LRRC25: variants seen among roughly 807,000 people sequenced by gnomAD.
LRRC25 encodes leucine rich repeat containing 25.
Under a neutral mutation model 18.8 loss-of-function variants are expected in LRRC25, and 5 were observed. The ratio of observed to expected loss-of-function variants is 0.27; its 90% confidence interval spans 0.14 to 0.56. The LOEUF (loss-of-function observed/expected upper bound fraction) is 0.56. Ranked by LOEUF, LRRC25 falls within the 20% of genes least tolerant of loss-of-function variation. The pLI, the probability that LRRC25 is intolerant of heterozygous loss-of-function variation, is 0.93. For synonymous variants in LRRC25, 161 were observed against 176.8 expected (o/e 0.91, Z 0.71); for missense variants, 341 against 389.8 (o/e 0.87, Z 1.05).
chr19:18,392,565 C>T (rs753538943), intron 1 of LRRC25, among the ~76,000 whole-genome samples: 3 of 152,008 alleles, frequency 2.0e-5, no homozygotes, highest in Non-Finnish European at 4.4e-5. Context: ...GAAACTGGCA[C>T]GGGCTAGCGT....
intron 1 of LRRC25, among the ~76,000 whole-genome samples, chr19:18,394,133 G>A (rs1971936625): frequency 6.6e-6 from 1 of 151,794 alleles, no homozygotes; most frequent in African/African-American, 2.4e-5. Flanking sequence ...GGCCCTCCCT[G>A]TTCCCCTCAG....
intron 1 of LRRC25, among the ~76,000 whole-genome samples, chr19:18,393,178 TA>T (rs978441344): frequency 2.6e-5 from 4 of 152,200 alleles, no homozygotes; most frequent in African/African-American, 7.2e-5. Flanking sequence ...CCCTCATATA[TA>T]AAAGCAAGTC....
In LRRC25 at chr19:18,396,525, G is replaced by C; in HGVS notation, c.439C>G (p.His147Asp). ...LLCWDTTSSQ[H>D]NLSAFLEVSC... Reference sequence around the variant, plus strand: ...ACCTCCAGGAAGGCAGAGAGGTTGTGCTGGGAGCTGGTTGTGTCCCAGCAG... The same window carrying C: ...ACCTCCAGGAAGGCAGAGAGGTTGTCCTGGGAGCTGGTTGTGTCCCAGCAG... The change falls in exon 1 of 2, where the codon CAC becomes GAC. Residue 147 changes from histidine (H) to aspartate (D), a missense_variant. His to Asp is a moderately conservative substitution (Grantham distance 81). Coordinates refer to ENST00000339007, the MANE Select transcript of LRRC25 (RefSeq NM_145256.3). 1.2e-6 allele frequency: 2 copies of C among 1,613,720 alleles called. No homozygotes were observed. The highest frequency in any genetic ancestry group is 1.7e-6 in the Non-Finnish European group (2 of 1,180,034).
At chr19:18,394,314 T>TC (rs1369724957) in intron 1 of LRRC25, among the ~76,000 whole-genome samples, 6 of 150,384 alleles carry the variant, frequency 4.0e-5, no homozygotes, top group Admixed American at 6.6e-5. Flanking sequence ...CTTTCTTTTT[T>TC]TTTTTTTTTG....
In LRRC25 at chr19:18,391,708, T is replaced by A; in HGVS notation, c.*279A>T. The A allele has an allele frequency of 2.9e-6, 1 of 342,270 alleles. No homozygotes were observed. 21.2% of individuals were successfully genotyped at this position (342,270 alleles called of 1,614,324 possible). On this transcript the variant is annotated 3_prime_UTR_variant, in exon 2 of 2. Coordinates refer to ENST00000339007, the MANE Select transcript of LRRC25 (RefSeq NM_145256.3). ...CAGCCTCGAAGCATTTATTGAGCAC[T>A]GCCTGTACATCCACAGGAGGGTGAT...
In LRRC25 at chr19:18,391,813, G is replaced by T; in HGVS notation, c.*174C>A. The T allele has an allele frequency of 1.5e-6, 1 of 673,122 alleles. No homozygotes were observed. The highest frequency in any genetic ancestry group is 2.5e-6 in the Non-Finnish European group (1 of 407,614). 41.7% of individuals were successfully genotyped at this position (673,122 alleles called of 1,614,324 possible). ...CCCCTCTAGGAGCTGAGGGAGCTGA[G>T]GAGCGGCATGAGGGACAGGGAGGGG... is the stretch of plus-strand genomic sequence containing the variant. On this transcript the variant is annotated 3_prime_UTR_variant, in exon 2 of 2. Coordinates refer to ENST00000339007, the MANE Select transcript of LRRC25 (RefSeq NM_145256.3).
intron 1 of LRRC25, among the ~76,000 whole-genome samples, chr19:18,394,849 A>G (rs1453979383): frequency 6.6e-6 from 1 of 152,008 alleles, no homozygotes; most frequent in Non-Finnish European, 1.5e-5. Context: ...AGGCTAAGAC[A>G]TGAGGATCAC....
At position 18,392,024 on chromosome 19, in the gene LRRC25, G is replaced by A. The variant is rs770990736; in HGVS notation, c.881C>T (p.Pro294Leu). Residue 294 changes from proline (P) to leucine (L), a missense_variant, in exon 2 of 2, where the codon CCA becomes CTA. Coordinates refer to ENST00000339007, the MANE Select transcript of LRRC25 (RefSeq NM_145256.3). ...YCNLQSLGQA[P>L]MDEEEYVIPG... ...GATCACGTACTCCTCTTCATCCATT[G>A]GGGCCTGGCCCAGTGACTGCAGGTT... The A allele has an allele frequency of 8.7e-6, 14 of 1,613,988 alleles. No individual in the cohort carries two copies. The highest frequency in any genetic ancestry group is 1.2e-5 in the Non-Finnish European group (14 of 1,180,006).
intron 1 of LRRC25, among the ~76,000 whole-genome samples, chr19:18,394,752 G>C (rs543638494): frequency 6.6e-6 from 1 of 152,248 alleles, no homozygotes; most frequent in South Asian, 2.1e-4. Flanking sequence ...CACCAACCTA[G>C]AAAAGTTCAA....
At chr19:18,393,630 G>C (rs1971928616) in intron 1 of LRRC25, among the ~76,000 whole-genome samples, 1 of 151,916 alleles carries the variant, frequency 6.6e-6, no homozygotes, top group South Asian at 2.1e-4. Context: ...AAGGCAAAAG[G>C]GCTACTTTGT....
chr19:18,394,744 C>T (rs1971946417), intron 1 of LRRC25, among the ~76,000 whole-genome samples: 3 of 152,152 alleles, frequency 2.0e-5, no homozygotes, highest in Non-Finnish European at 4.4e-5. Context: ...GCACCCCACA[C>T]CAACCTAGAA....
rs1971970697 is a variant in LRRC25 at position 18,396,462 on chromosome 19, C to T, written c.502G>A (p.Ala168Thr). The T allele has an allele frequency of 2.5e-6, 4 of 1,613,426 alleles. No homozygotes were observed. Among genetic ancestry groups the T allele is most frequent in the African/African-American group, 1.3e-5 (1 of 74,946 alleles). ...AGCAGGCACCCGCTGACCACCACTG[C>T]CCCGATAGTTGCAGAGGCCAGGCCA... is the stretch of plus-strand genomic sequence containing the variant. Reference protein sequence around the residue: ...APGLASATIGAVVVSGCLLLG... With the variant: ...APGLASATIGTVVVSGCLLLG... The change falls in exon 1 of 2, where the codon GCA becomes ACA. Residue 168 changes from alanine to threonine, a missense_variant. Coordinates refer to ENST00000339007, the MANE Select transcript of LRRC25 (RefSeq NM_145256.3).
intron 1 of LRRC25, among the ~76,000 whole-genome samples, chr19:18,395,413 G>A (rs1387478389): frequency 1.3e-5 from 2 of 150,948 alleles, no homozygotes; most frequent in Non-Finnish European, 3.0e-5. Flanking sequence ...ATGGGACTTT[G>A]TAGGGCACCT....
intron 1 of LRRC25, 42 bp downstream of exon 1, chr19:18,396,143 T>C (rs1220659157): frequency 6.5e-7 from 1 of 1,549,520 alleles, no homozygotes; most frequent in Admixed American, 1.9e-5. Context: ...TGTGGAGCCT[T>C]ATTATTCACC....
chr19:18,394,227 A>G (rs1403736226), intron 1 of LRRC25, among the ~76,000 whole-genome samples: 1 of 151,906 alleles, frequency 6.6e-6, no homozygotes, highest in Non-Finnish European at 1.5e-5. Context: ...TCTGCCCCTG[A>G]GGGTCCCACC....
chr19:18,396,049 G>C, intron 1 of LRRC25, 136 bp downstream of exon 1: 2 of 1,109,206 alleles, frequency 1.8e-6, no homozygotes, highest in East Asian at 2.4e-5. Flanking sequence ...TGAGGAGACT[G>C]AGGCTCAGAG....
Position 18,394,593 on chromosome 19 carries a change from C to T in LRRC25, c.779+1592G>A, listed in dbSNP as rs957592974. ...GTGTTGGGATTACAGGCATGAGCCA[C>T]CGTGCCCGGCCTAATTTTTGTATTT... is the stretch of plus-strand genomic sequence containing the variant. On this transcript the variant is annotated intron_variant, in intron 1 of 1. Transcript: ENST00000339007. Among the ~76,000 whole-genome samples, 3 of 152,184 alleles carry T rather than the reference C, an allele frequency of 2.0e-5. No homozygotes were observed. The East Asian group carries it at 5.8e-4, about 29-fold the overall frequency.
rs748646354 is a variant in LRRC25 at position 18,396,749 on chromosome 19, C to T, written c.215G>A (p.Gly72Asp). The T allele has an allele frequency of 4.3e-6, 7 of 1,614,026 alleles. No individual in the cohort carries two copies. The South Asian group carries it at 6.6e-5, about 15-fold the overall frequency. Reference sequence around the variant, plus strand: ...GAAGGTCACTGGAAGCTCTCGCAGGCCGTTCCCAGACAGGTCAAGGAGAAT... The same window carrying T: ...GAAGGTCACTGGAAGCTCTCGCAGGTCGTTCCCAGACAGGTCAAGGAGAAT... ...NVILLDLSGN[G>D]LRELPVTFFA... The change falls in exon 1 of 2, where the codon GGC (glycine) becomes GAC (aspartate). Residue 72 changes from glycine to aspartate, a missense_variant. By Grantham distance (94) the Gly-to-Asp change is moderately conservative (BLOSUM62 -1). Transcript: ENST00000339007.
rs1218647407 is a variant in LRRC25 at position 18,391,431 on chromosome 19, A to T, written c.*556T>A. 6.5e-6 allele frequency: 1 copy of T among 152,882 alleles called. No homozygotes were observed. The highest frequency in any genetic ancestry group is 2.4e-5 in the African/African-American group (1 of 41,440). 9.5% of individuals were successfully genotyped at this position (152,882 alleles called of 1,614,324 possible). On this transcript the variant is annotated 3_prime_UTR_variant, in exon 2 of 2. Transcript: ENST00000339007. Reference sequence around the variant, plus strand: ...GCGGGTGCTGTAATCCCAGCTACTCAGGAGGCTGAGGCAGGAGAATCACTT... The same window carrying T: ...GCGGGTGCTGTAATCCCAGCTACTCTGGAGGCTGAGGCAGGAGAATCACTT...
Sources: allele counts gnomAD v4.1 joint callset (sites outside exome capture counted in the v4.1 genomes callset), GRCh38; gene constraint gnomAD v4.1.1; transcripts MANE v1.5; gene names NCBI Gene and HGNC (gene_info 2026-07-23, HGNC 2026-07-21).